The following TM2D3 variants were observed in gnomAD, a reference collection of about 807,000 sequenced individuals.
TM2D3 encodes the protein TM2 domain containing 3, also known as TM2 domain-containing protein 3.
Under a neutral mutation model 27.3 loss-of-function variants are expected in TM2D3, and 33 were observed. The ratio of observed to expected loss-of-function variants is 1.21; its 90% CI spans 0.92 to 1.61. TM2D3 has a LOEUF of 1.61. Ranked by LOEUF, TM2D3 falls within the 40% of genes most tolerant of loss-of-function variation. The pLI is 0.00. For missense variants in TM2D3, 364 were observed against 320.8 expected (o/e 1.13, Z -1.03); for synonymous variants, 138 against 122.2 (o/e 1.13, Z -0.85).
At chr15:101,651,907 A>G in intron 1 of TM2D3, 134 bp from the exon 2 acceptor site, 1 of 890,880 alleles carries the variant, frequency 1.1e-6, no homozygotes, top group East Asian at 2.4e-5. Context: ...GGTCAGCCAG[A>G]AAACACAAAG....
intron 2 of TM2D3, chr15:101,650,730 G>C (rs543601903): frequency 1.3e-5 from 2 of 152,312 alleles, no homozygotes; most frequent in African/African-American, 4.8e-5. Context: ...CGCTACCAAA[G>C]TTCAAAACAG....
chr15:101,642,163 C>G lies in TM2D3; in HGVS notation c.*316G>C. The G allele has an allele frequency of 9.8e-7, 1 of 1,022,362 alleles. No individual in the cohort carries two copies. The highest frequency in any genetic ancestry group is 4.7e-4 in the Middle Eastern group (1 of 2,112). The allele number at this position is 1,022,362 out of a possible 1,614,324, so 63.3% of individuals were successfully genotyped here. A position where few individuals can be genotyped will look rare whatever the true frequency, so the allele number is the denominator to read the frequency against. ...GCAGACTACATTTGGGCTGGAGATA[C>G]AAGTGATGTAGTTTGACTTGGGCAA... On this transcript the variant is annotated 3_prime_UTR_variant, in exon 6 of 6. Transcript: ENST00000333202.
chr15:101,633,738 A>G, intron 4 of TM2D3: 1 of 1,528,044 alleles, frequency 6.5e-7, no homozygotes. Context: ...ACTATACCCA[A>G]AAAGAAGAAG....
chr15:101,633,491 C>A, exon 5 of TM2D3: 1 of 484,336 alleles, frequency 2.1e-6, no homozygotes, highest in African/African-American at 1.9e-5. Flanking sequence ...GTGAGGCCCT[C>A]AGATCCCGAA....
rs750067065 is a variant in TM2D3 at position 101,650,112 on chromosome 15, C to T, written c.219G>A (p.Leu73=). The T allele has an allele frequency of 5.0e-5, 81 of 1,614,042 alleles. No homozygotes were observed. The highest frequency in any genetic ancestry group is 6.7e-5 in the Non-Finnish European group (79 of 1,180,024). The change falls in exon 3 of 6, where the codon TTG becomes TTA. Residue 73 remains leucine (L), a synonymous_variant. Transcript: ENST00000333202. ...PYVMKCPSNG[L]CSRLPADCID... The stretch of plus-strand genomic sequence containing the variant: ...TACAGTCTGCAGGAAGCCTGCTACA[C>T]AAACCATTGCTCGGACACTTCATCA...
chr15:101,651,437 G>A (rs542598542), intron 2 of TM2D3: 2 of 438,158 alleles, frequency 4.6e-6, no homozygotes, highest in African/African-American at 4.0e-5. Context: ...GATGGATGAA[G>A]TGGAAAAATA....
exon 5 of TM2D3, chr15:101,633,662 T>A: frequency 6.5e-7 from 1 of 1,530,648 alleles, no homozygotes; most frequent in Non-Finnish European, 8.7e-7. Context: ...AAAATCCACC[T>A]TTTTCAGGGT....
downstream of TM2D3, chr15:101,641,828 T>A: frequency 1.2e-6 from 1 of 816,938 alleles, no homozygotes; most frequent in Non-Finnish European, 1.5e-6. Flanking sequence ...ATATTTAATA[T>A]AGAAAACAGG....
In TM2D3 at chr15:101,644,512, G is replaced by A. The variant is rs148037605; in HGVS notation, c.578+575C>T. Among the ~76,000 whole-genome samples the A allele has an allele frequency of 3.3e-3, 499 of 152,290 alleles. 2 individuals carry two copies. Among genetic ancestry groups the A allele is most frequent in the African/African-American group, 0.011 (438 of 41,566 alleles). ...CTGCAGGCCTCAGGGTCTCAGGCACGAACTCAAAACTTCAAGTGTAGGCAG... is the reference window on the plus strand; with the variant it reads ...CTGCAGGCCTCAGGGTCTCAGGCACAAACTCAAAACTTCAAGTGTAGGCAG... On this transcript the variant is annotated intron_variant, in intron 5 of 5. Coordinates refer to ENST00000333202, the MANE Select transcript of TM2D3 (RefSeq NM_078474.3).
At chr15:101,648,708 T>C (rs773703173) in intron 3 of TM2D3, among the ~76,000 whole-genome samples, 1 of 152,282 alleles carries the variant, frequency 6.6e-6, no homozygotes, top group Non-Finnish European at 1.5e-5. Flanking sequence ...ACATTACCTC[T>C]AGAGCTGCCT....
downstream of TM2D3, among the ~76,000 whole-genome samples, chr15:101,638,152 G>A (rs2141357345): frequency 6.6e-6 from 1 of 152,238 alleles, no homozygotes; most frequent in East Asian, 1.9e-4. Context: ...ACCCATCAGA[G>A]TCCCTCCTGT....
chr15:101,652,152 G>A (rs568202539), intron 1 of TM2D3, 119 bp downstream of exon 1: 11 of 978,582 alleles, frequency 1.1e-5, no homozygotes, highest in African/African-American at 1.0e-4. Flanking sequence ...GCGGCCCGGA[G>A]CCCGGCACTC....
intron 4 of TM2D3, chr15:101,634,033 C>CA (rs1290536518): frequency 1.2e-5 from 3 of 254,438 alleles, no homozygotes; most frequent in Non-Finnish European, 2.2e-5. Flanking sequence ...AATTATGTAA[C>CA]AAAAAATATA....
At chr15:101,637,300 G>A (rs549385609), downstream of TM2D3, among the ~76,000 whole-genome samples, 1 of 152,220 alleles carries the variant, frequency 6.6e-6, no homozygotes, top group Non-Finnish European at 1.5e-5. Context: ...GAGCTTCAGA[G>A]AGAATAGATT....
chr15:101,644,137 C>T (rs1229797259), intron 5 of TM2D3, among the ~76,000 whole-genome samples: 1 of 152,204 alleles, frequency 6.6e-6, no homozygotes, highest in Non-Finnish European at 1.5e-5. Context: ...TGAGCCATCG[C>T]GCCCGCCCTA....
chr15:101,633,040 A>G (rs1896483045), exon 5 of TM2D3: 1 of 152,062 alleles, frequency 6.6e-6, no homozygotes, highest in Non-Finnish European at 1.5e-5. Flanking sequence ...AAAGAAAAAG[A>G]AAAACTGTCA....
intron 4 of TM2D3, chr15:101,646,328 T>C (rs944641959): frequency 8.9e-5 from 12 of 135,286 alleles, no homozygotes; most frequent in African/African-American, 2.9e-4. Flanking sequence ...ACAGAAAAAA[T>C]TTAAAAGGAA....
Position 101,646,827 on chromosome 15 carries a change from T to A in TM2D3, c.400A>T (p.Thr134Ser). The change falls in exon 4 of 6, where the codon ACA becomes TCA. Residue 134 changes from threonine to serine, a missense_variant. By Grantham distance (58) the Thr-to-Ser change is moderately conservative. Transcript: ENST00000333202. ...TCRFCWQLPE[T>S]DYECTNSTSC... Reference sequence around the variant, plus strand: ...GTGGAGTTGGTACACTCGTAATCTGTTTCAGGAAGCTGCCAGCAAAATCTG... The same window carrying A: ...GTGGAGTTGGTACACTCGTAATCTGATTCAGGAAGCTGCCAGCAAAATCTG... 6.2e-7 allele frequency: 1 copy of A among 1,614,198 alleles called. No individual in the cohort carries two copies. The highest frequency in any genetic ancestry group is 8.5e-7 in the Non-Finnish European group (1 of 1,180,034).
intron 3 of TM2D3, 81 bp from the exon 4 acceptor site, chr15:101,646,980 G>T: frequency 6.7e-7 from 1 of 1,499,298 alleles, no homozygotes. Context: ...CAGTCACATG[G>T]CACAAAATTC....
Sources: allele counts gnomAD v4.1 joint callset (sites outside exome capture counted in the v4.1 genomes callset), GRCh38; gene constraint gnomAD v4.1.1; transcripts MANE v1.5; gene names NCBI Gene and HGNC (gene_info 2026-07-23, HGNC 2026-07-21).